The following COL22A1 variants were observed in gnomAD, a reference collection of about 807,000 sequenced individuals.
COL22A1 encodes collagen type XXII alpha 1 chain.
Under a neutral mutation model 248.9 loss-of-function variants are expected in COL22A1, and 221 were observed. The observed-to-expected ratio is 0.89, with a 90% CI of 0.80 to 0.99. The LOEUF (loss-of-function observed/expected upper bound fraction) is 0.99, where lower values mean the gene tolerates loss of function less well. Among genes scored for constraint, COL22A1 ranks in the 50% least tolerant of loss-of-function variants. The probability of loss-of-function intolerance (pLI) is 0.00; values close to 1 mark genes in which losing one functional copy is unlikely to be tolerated. For synonymous variants in COL22A1, 891 were observed against 793.4 expected (o/e 1.12, Z -2.07); for missense variants, 2,240 against 2,179.0 (o/e 1.03, Z -0.56).
chr8:138,602,079 T>C (rs1818067156), intron 60 of COL22A1, 36 bp downstream of exon 60: 8 of 1,613,442 alleles, frequency 5.0e-6, no homozygotes, highest in Non-Finnish European at 6.8e-6. Flanking sequence ...AAAGGTCGCG[T>C]TCGGCGTGTT....
intron 4 of COL22A1, among the ~76,000 whole-genome samples, 166 bp downstream of exon 4, chr8:138,843,918 A>G (rs1328921037): frequency 1.3e-5 from 2 of 152,166 alleles, no homozygotes; most frequent in African/African-American, 4.8e-5. Flanking sequence ...TGGTTCTTTG[A>G]TGAGAGCTGC....
At chr8:138,789,562 T>C (rs1815850128) in intron 12 of COL22A1, among the ~76,000 whole-genome samples, 1 of 152,262 alleles carries the variant, frequency 6.6e-6, no homozygotes, top group Admixed American at 6.5e-5. Flanking sequence ...TTATATTTTC[T>C]GGTTCAGAGG....
At chr8:138,843,166 C>T (rs1299534120) in intron 4 of COL22A1, among the ~76,000 whole-genome samples, 1 of 152,168 alleles carries the variant, frequency 6.6e-6, no homozygotes, top group Non-Finnish European at 1.5e-5. Context: ...GGCAGAGCAG[C>T]CTTCCACCAT....
At chr8:138,688,354 C>A (rs1228688211) in intron 37 of COL22A1, among the ~76,000 whole-genome samples, 2 of 151,970 alleles carry the variant, frequency 1.3e-5, no homozygotes, top group Non-Finnish European at 1.5e-5. Context: ...AACCCCGTCT[C>A]TGCAAAAAAT....
intron 10 of COL22A1, among the ~76,000 whole-genome samples, chr8:138,807,380 T>C (rs1009072615): frequency 9.2e-5 from 14 of 152,216 alleles, no homozygotes; most frequent in Admixed American, 2.0e-4. Context: ...TTGGAAATCA[T>C]GTGTTTAAAG....
intron 4 of COL22A1, among the ~76,000 whole-genome samples, chr8:138,838,117 C>T (rs972888568): frequency 2.0e-5 from 3 of 152,040 alleles, no homozygotes; most frequent in Admixed American, 2.0e-4. Context: ...ACCTGGGTTC[C>T]TGTCCCTGTT....
chr8:138,904,288 T>C (rs1814829109), intron 1 of COL22A1, among the ~76,000 whole-genome samples: 1 of 152,022 alleles, frequency 6.6e-6, no homozygotes, highest in Non-Finnish European at 1.5e-5. Context: ...AATTACCCCA[T>C]TCAACTTCCC....
At chr8:138,780,121 T>C (rs1415898466) in intron 13 of COL22A1, among the ~76,000 whole-genome samples, 1 of 152,186 alleles carries the variant, frequency 6.6e-6, no homozygotes, top group African/African-American at 2.4e-5. Context: ...AAATTAACTT[T>C]GGAGAGAGCA....
chr8:138,761,381 A>AT (rs1306565303), intron 17 of COL22A1, among the ~76,000 whole-genome samples: 5 of 152,146 alleles, frequency 3.3e-5, no homozygotes, highest in Non-Finnish European at 4.4e-5. Flanking sequence ...TTTGGTGAAT[A>AT]TTTTTTTAAA....
intron 52 of COL22A1, among the ~76,000 whole-genome samples, chr8:138,623,361 A>G (rs1370433133): frequency 6.6e-6 from 1 of 151,648 alleles, no homozygotes; most frequent in African/African-American, 2.4e-5. Flanking sequence ...TGATCTCTCC[A>G]GATATCAGAT....
At chr8:138,881,665 A>C (rs990087556) in intron 2 of COL22A1, among the ~76,000 whole-genome samples, 1 of 152,244 alleles carries the variant, frequency 6.6e-6, no homozygotes, top group Non-Finnish European at 1.5e-5. Context: ...AGCCTGGGCG[A>C]CAGAGCGAGA....
chr8:138,635,999 A>G (rs1033719915), intron 48 of COL22A1, among the ~76,000 whole-genome samples: 14 of 152,148 alleles, frequency 9.2e-5, no homozygotes, highest in Admixed American at 2.0e-4. Flanking sequence ...AGTGCCTGGC[A>G]TGGAATTGGC....
intron 1 of COL22A1, among the ~76,000 whole-genome samples, chr8:138,903,866 G>A (rs767778145): frequency 3.9e-5 from 6 of 152,052 alleles, no homozygotes; most frequent in East Asian, 1.9e-4. Context: ...GTAAAGAGGC[G>A]CACGTCTGCT....
chr8:138,850,558 G>T (rs1821560358), intron 3 of COL22A1, among the ~76,000 whole-genome samples: 1 of 152,194 alleles, frequency 6.6e-6, no homozygotes, highest in South Asian at 2.1e-4. Flanking sequence ...GGATGCAGTT[G>T]TCTTTGTTTG....
chr8:138,883,041 C>A, intron 2 of COL22A1, 41 bp downstream of exon 2: 1 of 1,508,456 alleles, frequency 6.6e-7, no homozygotes, highest in Non-Finnish European at 9.0e-7. Flanking sequence ...GCTGTCTGCT[C>A]TGTCCCCAGC....
intron 60 of COL22A1, among the ~76,000 whole-genome samples, chr8:138,599,273 G>A (rs1352782875): frequency 2.6e-5 from 4 of 151,794 alleles, no homozygotes; most frequent in South Asian, 2.1e-4. Flanking sequence ...TCAGGAGATC[G>A]AGACCATCCT....
At chr8:138,718,966 G>A (rs1210726844) in intron 27 of COL22A1, among the ~76,000 whole-genome samples, 1 of 152,124 alleles carries the variant, frequency 6.6e-6, no homozygotes, top group African/African-American at 2.4e-5. Flanking sequence ...TGAGAAACTC[G>A]ATGGGAATGG....
At chr8:138,782,814 A>G (rs1815138986) in intron 12 of COL22A1, among the ~76,000 whole-genome samples, 1 of 151,222 alleles carries the variant, frequency 6.6e-6, no homozygotes, top group African/African-American at 2.5e-5. Flanking sequence ...ACCCAGGCCC[A>G]CGATGACAGA....
chr8:138,631,360 T>C (rs1385350120), intron 49 of COL22A1, among the ~76,000 whole-genome samples: 3 of 152,182 alleles, frequency 2.0e-5, no homozygotes, highest in African/African-American at 7.2e-5. Flanking sequence ...GTTCAGAGAA[T>C]AGCATCCACA....
Sources: allele counts gnomAD v4.1 joint callset (sites outside exome capture counted in the v4.1 genomes callset), GRCh38; gene constraint gnomAD v4.1.1; transcripts MANE v1.5; gene names NCBI Gene and HGNC (gene_info 2026-07-23, HGNC 2026-07-21).